GABRG1: variants seen among roughly 807,000 people sequenced by gnomAD.
GABRG1 encodes gamma-aminobutyric acid type A receptor subunit gamma1, also known as gamma-aminobutyric acid receptor subunit gamma-1.
In GABRG1, 49 loss-of-function variants were observed where a neutral mutation model predicts 49.8. That is an observed-to-expected ratio of 0.98 (90% CI 0.78 to 1.25). The LOEUF (loss-of-function observed/expected upper bound fraction) is 1.25. Among genes scored for constraint, GABRG1 ranks in the 50% most tolerant of loss-of-function variants. The pLI is 0.00. For synonymous variants in GABRG1, 232 were observed against 185.1 expected (o/e 1.25, Z -2.06); for missense variants, 552 against 552.3 (o/e 1.00, Z 0.01).
rs935185321 is a variant in GABRG1, at chr4:46,051,444, T to C, written c.1111A>G (p.Lys371Glu). 3.1e-6 allele frequency: 5 copies of C among 1,606,982 alleles called. No homozygotes were observed. Among genetic ancestry groups the C allele is most frequent in the Non-Finnish European group, 4.2e-6 (5 of 1,177,100 alleles). The change falls in exon 8 of 9, where the codon AAG becomes GAG. Residue 371 changes from lysine (K) to glutamate (E), a missense_variant. Coordinates refer to ENST00000295452, the MANE Select transcript of GABRG1 (RefSeq NM_173536.4). ...CATACCGAGGCTTTATTTTTTAGCT[T>C]TCTGTCTTTAGTAGCAGTCTTTCCT... The part of the protein sequence containing the change: ...QKGKTATKDR[K>E]LKNKASMTPG...
At chr4:46,055,217 A>G (rs1293473167) in intron 7 of GABRG1, among the ~76,000 whole-genome samples, 3 of 13,080 alleles carry the variant, frequency 2.3e-4, no homozygotes. Flanking sequence ...ACAAAGGGCT[A>G]ATATCCAGAA....
intron 1 of GABRG1, among the ~76,000 whole-genome samples, chr4:46,107,254 A>G (rs1167259683): frequency 6.6e-6 from 1 of 151,230 alleles, no homozygotes; most frequent in Non-Finnish European, 1.5e-5. Context: ...GTCATTAACT[A>G]GAAACTCATT....
rs868176596 is a variant in GABRG1 at position 46,083,774 on chromosome 4, C to G, written c.321+212G>C. Among the ~76,000 whole-genome samples the G allele has an allele frequency of 2.0e-5, 3 of 151,580 alleles. 1 individual carries two copies. In the Middle Eastern group the frequency reaches 0.01, roughly 516 times the overall value. ...TTGTTATGCCGTTGCATAGTTCTAC[C>G]AAACACAGCACATTGGAATAACAAG... On this transcript the variant is annotated intron_variant, in intron 3 of 8. Coordinates refer to ENST00000295452, the MANE Select transcript of GABRG1 (RefSeq NM_173536.4).
chr4:46,117,508 T>A (rs1293672481), intron 1 of GABRG1, among the ~76,000 whole-genome samples: 1 of 149,064 alleles, frequency 6.7e-6, no homozygotes, highest in Non-Finnish European at 1.5e-5. Flanking sequence ...TCTACCAAAC[T>A]GTGAGACTCT....
At chr4:46,064,970 C>A (rs66488261) in intron 4 of GABRG1, among the ~76,000 whole-genome samples, 1 of 152,032 alleles carries the variant, frequency 6.6e-6, no homozygotes, top group Non-Finnish European at 1.5e-5. Flanking sequence ...CCTTATACAT[C>A]AACCTTCATT....
At chr4:46,079,969 A>G (rs991001531) in intron 3 of GABRG1, among the ~76,000 whole-genome samples, 2 of 151,874 alleles carry the variant, frequency 1.3e-5, no homozygotes, top group African/African-American at 4.8e-5. Flanking sequence ...AGATAGTTAT[A>G]ATCAAACCAT....
At chr4:46,116,314 A>G (rs1230999232) in intron 1 of GABRG1, among the ~76,000 whole-genome samples, 4 of 150,880 alleles carry the variant, frequency 2.7e-5, no homozygotes, top group Non-Finnish European at 6.0e-5. Flanking sequence ...TAGACAATAT[A>G]TTGAAATTAT....
chr4:46,078,535 T>C (rs893505946), intron 3 of GABRG1, among the ~76,000 whole-genome samples: 6 of 151,912 alleles, frequency 3.9e-5, no homozygotes, highest in African/African-American at 1.2e-4. Flanking sequence ...GCCTATGGAA[T>C]GCCGGAACCA....
At position 46,068,661 on chromosome 4, in the gene GABRG1, TA is replaced by T. The variant is rs201126411; in HGVS notation, c.322-3078del. ...GCCCTTTTAAATTGCTAATTTTTAA[TA>T]AATGCCTCACTGAAATAAGAAGACC... On this transcript the variant is annotated intron_variant, in intron 3 of 8. Transcript: ENST00000295452. 9.2e-4 allele frequency among the ~76,000 whole-genome samples: 140 copies of T among 152,196 alleles called. No individual in the cohort carries two copies. The East Asian group carries it at 0.02, about 22-fold the overall frequency.
At chr4:46,078,756 T>C (rs1176938758) in intron 3 of GABRG1, among the ~76,000 whole-genome samples, 2 of 152,010 alleles carry the variant, frequency 1.3e-5, no homozygotes, top group Admixed American at 1.3e-4. Context: ...CTCTTAAAGC[T>C]ATTTGACCAT....
At chr4:46,076,105 A>T (rs565999251) in intron 3 of GABRG1, among the ~76,000 whole-genome samples, 88 of 152,002 alleles carry the variant, frequency 5.8e-4, no homozygotes, top group African/African-American at 1.7e-3. Flanking sequence ...AATCCTATAA[A>T]TTAAAAAATC....
rs576716081 is a variant in GABRG1 at position 46,061,351 on chromosome 4, CA to C, written c.626-2730del. 6.1e-3 allele frequency among the ~76,000 whole-genome samples: 892 copies of C among 146,962 alleles called. 2 individuals carry two copies. Among genetic ancestry groups the C allele is most frequent in the African/African-American group, 7.8e-3 (312 of 40,050 alleles). ...ATTCAAGAATATCATTAATAAAAGGCAAAAAAAAATGTGGAAATTTAGTAAG... is the reference window on the plus strand; with the variant it reads ...ATTCAAGAATATCATTAATAAAAGGCAAAAAAAATGTGGAAATTTAGTAAG... On this transcript the variant is annotated intron_variant, in intron 5 of 8. Coordinates refer to ENST00000295452, the MANE Select transcript of GABRG1 (RefSeq NM_173536.4).
intron 2 of GABRG1, among the ~76,000 whole-genome samples, chr4:46,089,022 C>T (rs552474313): frequency 1.0e-3 from 152 of 152,074 alleles, no homozygotes; most frequent in African/African-American, 3.5e-3. Flanking sequence ...TGCACACCTA[C>T]TCTTTAGCAC....
intron 2 of GABRG1, among the ~76,000 whole-genome samples, chr4:46,095,889 A>G (rs1216769891): frequency 6.6e-6 from 1 of 151,824 alleles, no homozygotes. Flanking sequence ...TTCATTTCAC[A>G]GGGGTTTTCC....
intron 3 of GABRG1, among the ~76,000 whole-genome samples, chr4:46,070,383 T>C (rs1285732490): frequency 2.6e-5 from 4 of 151,946 alleles, no homozygotes; most frequent in Non-Finnish European, 4.4e-5. Flanking sequence ...AGTTAAACTA[T>C]ATAAAATAGA....
At chr4:46,098,629 A>C (rs1479536401) in intron 1 of GABRG1, among the ~76,000 whole-genome samples, 1 of 151,780 alleles carries the variant, frequency 6.6e-6, no homozygotes, top group Non-Finnish European at 1.5e-5. Flanking sequence ...AGAACACGCC[A>C]GTCCGAGATG....
At chr4:46,084,118 G>A in intron 2 of GABRG1, 65 bp from the exon 3 acceptor site, 3 of 906,774 alleles carry the variant, frequency 3.3e-6, no homozygotes, top group South Asian at 3.1e-5. Flanking sequence ...ATAAATCTTA[G>A]TTTTAAAGAA....
chr4:46,063,683 A>G (rs576484439), intron 5 of GABRG1, among the ~76,000 whole-genome samples: 1 of 152,250 alleles, frequency 6.6e-6, no homozygotes, highest in East Asian at 1.9e-4. Context: ...GACAAATGGG[A>G]TCTAATTAAA....
rs1007023784 is a variant in GABRG1, at chr4:46,109,655, A to G, written c.105-12306T>C. The stretch of plus-strand genomic sequence containing the variant: ...ACCTTTTCAGGCCCACAGTTAGCAT[A>G]TAAACTTTCTTCTTAACACTGCTTT... On this transcript the variant is annotated intron_variant, in intron 1 of 8. Transcript: ENST00000295452. Among the ~76,000 whole-genome samples, 5 of 151,124 alleles carry G rather than the reference A, an allele frequency of 3.3e-5. No homozygotes were observed. In the Admixed American group the frequency reaches 3.3e-4, roughly 10 times the overall value.
Sources: gnomAD v4.1 joint callset for allele counts (sites outside exome capture counted in the v4.1 genomes callset) on GRCh38, gnomAD v4.1.1 for gene constraint, MANE v1.5 for transcripts, NCBI Gene and HGNC (gene_info 2026-07-23, HGNC 2026-07-21) for gene names.